The following SLC25A16 variants were observed in gnomAD, a reference collection of about 807,000 sequenced individuals.
The protein encoded by SLC25A16 is solute carrier family 25 member 16.
In SLC25A16, 39 loss-of-function variants were observed where a neutral mutation model predicts 41.5. The ratio of observed to expected loss-of-function variants is 0.94; its 90% CI spans 0.73 to 1.23. The LOEUF is 1.23. Ranked by LOEUF, SLC25A16 falls within the 50% of genes most tolerant of loss-of-function variation. The pLI is 0.00. For missense variants in SLC25A16, 421 were observed against 426.9 expected (o/e 0.99, Z 0.12); for synonymous variants, 146 against 147.8 (o/e 0.99, Z 0.09).
intron 4 of SLC25A16, among the ~76,000 whole-genome samples, chr10:68,494,827 C>T (rs538587160): frequency 1.3e-5 from 2 of 149,472 alleles, no homozygotes; most frequent in African/African-American, 4.9e-5. Context: ...TGCAGTGAGC[C>T]GAGATAGTGC....
chr10:68,521,444 G>T (rs951744943), intron 1 of SLC25A16, among the ~76,000 whole-genome samples: 6 of 151,886 alleles, frequency 4.0e-5, no homozygotes, highest in African/African-American at 1.5e-4. Context: ...TGGCAGAATC[G>T]CTTGAACCCA....
intron 6 of SLC25A16, 91 bp from the exon 7 acceptor site, chr10:68,488,720 A>G (rs2052606939): frequency 9.5e-7 from 1 of 1,052,238 alleles, no homozygotes; most frequent in Non-Finnish European, 1.4e-6. Context: ...ACATTTCCTA[A>G]TTTCTGGTGT....
In SLC25A16 at chr10:68,483,604, T is replaced by TA. The variant is rs1312726253; in HGVS notation, c.843-17dup. The TA allele has an allele frequency of 6.4e-7, 1 of 1,574,286 alleles. No homozygotes were observed. The highest frequency in any genetic ancestry group is 1.4e-5 in the African/African-American group (1 of 73,554). On this transcript the variant is annotated splice_polypyrimidine_tract_variant and intron_variant, in intron 8 of 8. Coordinates refer to ENST00000609923, the MANE Select transcript of SLC25A16 (RefSeq NM_152707.4). ...CCGCATGGTACTGAAAGACAATGAT[T>TA]AAATGATGACCTCTATGCCCACTCA...
At chr10:68,502,363 G>A (rs1322872688) in intron 4 of SLC25A16, among the ~76,000 whole-genome samples, 1 of 151,812 alleles carries the variant, frequency 6.6e-6, no homozygotes, top group Non-Finnish European at 1.5e-5. Context: ...AAAAAATCTT[G>A]GATGATTTTT....
intron 8 of SLC25A16, 29 bp downstream of exon 8, chr10:68,487,115 A>G (rs1033108996): frequency 7.0e-6 from 11 of 1,574,238 alleles, no homozygotes; most frequent in Non-Finnish European, 9.6e-6. Flanking sequence ...TTCCTAAAGA[A>G]AATGAACAAT....
chr10:68,519,769 G>A, intron 1 of SLC25A16, among the ~76,000 whole-genome samples: 1 of 151,044 alleles, frequency 6.6e-6, no homozygotes, highest in East Asian at 2.0e-4. Flanking sequence ...ACAAAAATTA[G>A]CCAGGTGTGG....
intron 2 of SLC25A16, among the ~76,000 whole-genome samples, chr10:68,512,891 T>G (rs536355618): frequency 2.6e-5 from 4 of 151,544 alleles, no homozygotes; most frequent in African/African-American, 9.7e-5. Context: ...TACAAAAAAT[T>G]AGCTGGGCGT....
chr10:68,501,255 A>C (rs114425759), intron 4 of SLC25A16, among the ~76,000 whole-genome samples: 2,247 of 152,226 alleles, frequency 0.015, 66 homozygotes, highest in African/African-American at 0.051. Flanking sequence ...CATCTCAAAA[A>C]AAAAAAGTGA....
chr10:68,527,179 T>C (rs1590135123), intron 1 of SLC25A16, 67 bp downstream of exon 1: 1 of 1,500,754 alleles, frequency 6.7e-7, no homozygotes, highest in Non-Finnish European at 8.9e-7. Flanking sequence ...GCCGCTTGCA[T>C]CCCACTTGCC....
At position 68,493,496 on chromosome 10, in the gene SLC25A16, G is replaced by C. The variant is rs887208635; in HGVS notation, c.496C>G (p.His166Asp). The C allele has an allele frequency of 6.2e-7, 1 of 1,613,182 alleles. No homozygotes were observed. Among genetic ancestry groups the C allele is most frequent in the African/African-American group, 1.3e-5 (1 of 75,020 alleles). ...VRLAFQVKGE[H>D]SYTGIIHAFK... is the part of the protein sequence containing the mutation. ...GCATGAATAATTCCTGTATAGCTGT[G>C]TTCCCCTTTCACCTGGAATGCTAGG... The change falls in exon 5 of 9, where the codon CAC (histidine) becomes GAC (aspartate). Residue 166 changes from histidine to aspartate, a missense_variant. His to Asp is a moderately conservative substitution (Grantham distance 81). Transcript: ENST00000609923.
intron 4 of SLC25A16, among the ~76,000 whole-genome samples, chr10:68,498,071 G>A (rs1352680873): frequency 2.6e-5 from 4 of 152,020 alleles, no homozygotes; most frequent in East Asian, 3.9e-4. Flanking sequence ...ACAGATCTCT[G>A]ATACCTGTAC....
intron 4 of SLC25A16, among the ~76,000 whole-genome samples, chr10:68,502,001 A>T (rs962061718): frequency 5.9e-5 from 9 of 152,144 alleles, no homozygotes; most frequent in Non-Finnish European, 1.3e-4. Flanking sequence ...GTTCAAGACC[A>T]GCCTGGCCAA....
chr10:68,487,316 T>C, intron 7 of SLC25A16, 104 bp from the exon 8 acceptor site: 1 of 793,684 alleles, frequency 1.3e-6, no homozygotes. Context: ...GTGTTACTGC[T>C]CTTATTGTTC....
chr10:68,512,593 C>T lies in SLC25A16; in HGVS notation c.223+4158G>A, dbSNP rs1329881303. ...GGCGGAGCTTGCAGTGAGCCGAGAT[C>T]CCGCCACTGCACTCCAGCCTGGGCA... On this transcript the variant is annotated intron_variant, in intron 2 of 8. Transcript: ENST00000609923. Among the ~76,000 whole-genome samples, 3 of 81,578 alleles carry T rather than the reference C, an allele frequency of 3.7e-5. 1 individual carries two copies. The highest frequency in any genetic ancestry group is 1.8e-4 in the African/African-American group (3 of 16,824). 53.5% of individuals were successfully genotyped at this position (81,578 alleles called of 152,430 possible). A position where few individuals can be genotyped will look rare whatever the true frequency, so the allele number is the denominator to read the frequency against.
chr10:68,480,897 A>T lies in SLC25A16; in HGVS notation c.*2535T>A, dbSNP rs1322467677. 1 of 149,632 alleles carries T rather than the reference A, an allele frequency of 6.7e-6. No individual in the cohort carries two copies. The highest frequency in any genetic ancestry group is 1.5e-5 in the Non-Finnish European group (1 of 67,818). 9.3% of individuals were successfully genotyped at this position (149,632 alleles called of 1,614,324 possible). On this transcript the variant is annotated 3_prime_UTR_variant, in exon 9 of 9. Transcript: ENST00000609923. ...AATATACAAATGGTTTTAAGAACAC[A>T]TGTATTTCTTTTTTTTTTCTTTTAT...
At position 68,488,511 on chromosome 10, in the gene SLC25A16, G is replaced by C; in HGVS notation, c.729C>G (p.Asn243Lys). Residue 243 changes from asparagine to lysine, a missense_variant, in exon 7 of 9, where the codon AAC becomes AAG. Coordinates refer to ENST00000609923, the MANE Select transcript of SLC25A16 (RefSeq NM_152707.4). ...PNVLVLKTHV[N>K]LLCGGVAGAI... ...CTCCAGCAACACCACCACAAAGTAA[G>C]TTTACATGAGTTTTCAAAACTAAGA... is the stretch of plus-strand genomic sequence containing the variant. The C allele has an allele frequency of 1.3e-6, 2 of 1,578,318 alleles. No individual in the cohort carries two copies. The highest frequency in any genetic ancestry group is 1.7e-6 in the Non-Finnish European group (2 of 1,170,574).
rs1015674441 is a variant in SLC25A16, at chr10:68,486,415, T to C, written c.842+729A>G. The stretch of plus-strand genomic sequence containing the variant: ...TAGCCTAAATTTAATATTTTCTTTG[T>C]TTTTTTTAGTTTGTTTTTGTTTTTT... On this transcript the variant is annotated intron_variant, in intron 8 of 8. Transcript: ENST00000609923. Among the ~76,000 whole-genome samples the C allele has an allele frequency of 5.3e-5, 8 of 150,288 alleles. No individual in the cohort carries two copies. In the South Asian group the frequency reaches 1.5e-3, roughly 28 times the overall value.
chr10:68,496,284 G>A (rs2052749333), intron 4 of SLC25A16: 1 of 155,420 alleles, frequency 6.4e-6, no homozygotes, highest in African/African-American at 2.4e-5. Flanking sequence ...CATTCAGAGG[G>A]TGACTGAGGT....
At chr10:68,522,021 G>A (rs1002695064) in intron 1 of SLC25A16, among the ~76,000 whole-genome samples, 1 of 152,038 alleles carries the variant, frequency 6.6e-6, no homozygotes, top group Non-Finnish European at 1.5e-5. Context: ...TGAGCTGGGC[G>A]TGATGGCGCA....
Sources: gnomAD v4.1 joint callset for allele counts (sites outside exome capture counted in the v4.1 genomes callset) on GRCh38, gnomAD v4.1.1 for gene constraint, MANE v1.5 for transcripts, NCBI Gene and HGNC (gene_info 2026-07-23, HGNC 2026-07-21) for gene names.